RAB35: variants seen among roughly 807,000 people sequenced by gnomAD.
RAB35 encodes RAB35, member RAS oncogene family, also known as ras-related protein Rab-35.
Under a neutral mutation model 28.9 loss-of-function variants are expected in RAB35, and 4 were observed. The ratio of observed to expected loss-of-function variants is 0.14; its 90% CI spans 0.07 to 0.32. The LOEUF (loss-of-function observed/expected upper bound fraction) is 0.32, where lower values mean the gene tolerates loss of function less well. Ranked by LOEUF, RAB35 falls within the 10% of genes least tolerant of loss-of-function variation. The probability of loss-of-function intolerance (pLI) is 1.00; values close to 1 mark genes in which losing one functional copy is unlikely to be tolerated. For synonymous variants in RAB35, 99 were observed against 105.1 expected, an observed-to-expected ratio of 0.94 and a Z score of 0.35; for missense variants, 128 against 274.0, an observed-to-expected ratio of 0.47 and a Z score of 3.76.
intron 2 of RAB35, among the ~76,000 whole-genome samples, chr12:120,104,443 T>C (rs1387210485): frequency 6.6e-6 from 1 of 152,038 alleles, no homozygotes; most frequent in Non-Finnish European, 1.5e-5. Flanking sequence ...AAAACAGCCG[T>C]GAGTGGGGGC....
rs565933237 is a variant in RAB35, at chr12:120,103,103, C to T, written c.227+723G>A. Among the ~76,000 whole-genome samples, 1 of 152,182 alleles carries T rather than the reference C, an allele frequency of 6.6e-6. No homozygotes were observed. Among genetic ancestry groups the T allele is most frequent in the South Asian group, 2.1e-4 (1 of 4,830 alleles). On this transcript the variant is annotated intron_variant, in intron 3 of 5. Transcript: ENST00000229340. The surrounding 1 kb of genome is among the most constrained non-coding windows in gnomAD (Gnocchi z 6.1). ...TCCAGGAAACGAGCGCAGAGAGCTT[C>T]GGCAACTTGCCTAAGGACACACAGC...
Position 120,096,339 on chromosome 12 carries a change from G to A in RAB35, c.*906C>T. On this transcript the variant is annotated 3_prime_UTR_variant, in exon 6 of 6. Transcript: ENST00000229340. ...GGGTGGCCTCAACTTTTGCTGCTGTGCCAATCAAACCTCAGGGAAAGAAAA... is the reference window on the plus strand; with the variant it reads ...GGGTGGCCTCAACTTTTGCTGCTGTACCAATCAAACCTCAGGGAAAGAAAA... 4.6e-6 allele frequency: 5 copies of A among 1,090,550 alleles called. 1 individual carries two copies. The South Asian group carries it at 6.2e-5, about 13-fold the overall frequency. The allele number at this position is 1,090,550 out of a possible 1,614,324, so 67.6% of individuals were successfully genotyped here. A position where few individuals can be genotyped will look rare whatever the true frequency, so the allele number is the denominator to read the frequency against.
chr12:120,113,943 A>G (rs1876228157), intron 1 of RAB35, among the ~76,000 whole-genome samples: 1 of 152,230 alleles, frequency 6.6e-6, no homozygotes, highest in Non-Finnish European at 1.5e-5. Flanking sequence ...TAGATTTATG[A>G]AGAAAGAAAC....
chr12:120,109,693 G>A (rs1269500688), intron 1 of RAB35, among the ~76,000 whole-genome samples: 2 of 143,120 alleles, frequency 1.4e-5, no homozygotes, highest in Admixed American at 7.2e-5. Flanking sequence ...TTGTAGAGAC[G>A]AGGTCTTGCT....
At position 120,098,911 on chromosome 12, in the gene RAB35, T is replaced by C; in HGVS notation, c.377A>G (p.Glu126Gly). The part of the protein sequence containing the change: ...ILVGNKNDDP[E>G]RKVVETEDAY... ...ATCTTCCGTCTCCACCACCTTCCGC[T>C]CAGGGTCGTCATTCTTATTACCCAC... The change falls in exon 5 of 6, where the codon GAG becomes GGG. Residue 126 changes from glutamate to glycine, a missense_variant. By Grantham distance (98) the Glu-to-Gly change is moderately conservative. Transcript: ENST00000229340. 1.2e-6 allele frequency: 2 copies of C among 1,614,224 alleles called. No individual in the cohort carries two copies. Among genetic ancestry groups the C allele is most frequent in the South Asian group, 2.2e-5 (2 of 91,090 alleles).
chr12:120,106,581 CTTTCTT>C (rs1875881227), intron 2 of RAB35, among the ~76,000 whole-genome samples: 1 of 140,880 alleles, frequency 7.1e-6, no homozygotes. Flanking sequence ...TATGGAATCA[CTTTCTT>C]TTTCTTTTTT....
chr12:120,111,603 C>T (rs1594246014), intron 1 of RAB35, among the ~76,000 whole-genome samples: 1 of 152,016 alleles, frequency 6.6e-6, no homozygotes, highest in Non-Finnish European at 1.5e-5. Context: ...ATCGCCTGAA[C>T]CCAGGAGGCG....
At chr12:120,098,341 G>C (rs1165209906) in intron 5 of RAB35, among the ~76,000 whole-genome samples, 4 of 152,272 alleles carry the variant, frequency 2.6e-5, no homozygotes, top group Non-Finnish European at 5.9e-5. Context: ...ACAGGCCCAG[G>C]TGGATGGGCC....
At chr12:120,113,191 CTTT>C (rs545607204) in intron 1 of RAB35, among the ~76,000 whole-genome samples, 15,616 of 131,902 alleles carry the variant, frequency 0.12, 1,372 homozygotes, top group African/African-American at 0.25. Flanking sequence ...TGTGCCCGGC[CTTT>C]TTTTTTTTTT....
At chr12:120,108,789 T>A in intron 1 of RAB35, 1 of 505,754 alleles carries the variant, frequency 2.0e-6, no homozygotes, top group South Asian at 1.7e-5. Flanking sequence ...CAAAGCAGAA[T>A]GAAGGTCAAC....
chr12:120,112,869 T>C (rs1031473697), intron 1 of RAB35, among the ~76,000 whole-genome samples: 2 of 151,134 alleles, frequency 1.3e-5, no homozygotes, highest in South Asian at 4.2e-4. Flanking sequence ...GGACTATAGA[T>C]GTGCACCACC....
At chr12:120,108,811 GC>G in intron 1 of RAB35, 1 of 433,914 alleles carries the variant, frequency 2.3e-6, no homozygotes, top group Non-Finnish European at 4.4e-6. Context: ...ACACGAAACG[GC>G]CCCCAAGTGC....
At chr12:120,114,945 C>T (rs1263966176) in intron 1 of RAB35, among the ~76,000 whole-genome samples, 1 of 152,188 alleles carries the variant, frequency 6.6e-6, no homozygotes, top group Non-Finnish European at 1.5e-5. Context: ...CAGTGCCAGT[C>T]CCTCAGAACC....
Position 120,099,102 on chromosome 12 carries a change from C to T in RAB35, c.280G>A (p.Glu94Lys), listed in dbSNP as rs2139048639. The part of the protein sequence containing the change: ...VIVVYDVTSA[E>K]SFVNVKRWLH... Reference sequence around the variant, plus strand: ...CACCGCTTGACGTTGACAAAGGACTCGGCACTGGTGACGTCGTAAACCACA... The same window carrying T: ...CACCGCTTGACGTTGACAAAGGACTTGGCACTGGTGACGTCGTAAACCACA... Residue 94 changes from glutamate to lysine, a missense_variant, in exon 4 of 6, where the codon GAG becomes AAG. By Grantham distance (56) the Glu-to-Lys change is moderately conservative. Transcript: ENST00000229340. 1 of 1,614,272 alleles carries T rather than the reference C, an allele frequency of 6.2e-7. No individual in the cohort carries two copies. Among genetic ancestry groups the T allele is most frequent in the Non-Finnish European group, 8.5e-7 (1 of 1,180,044 alleles).
intron 2 of RAB35, 76 bp from the exon 3 acceptor site, chr12:120,104,025 A>T: frequency 6.4e-7 from 1 of 1,553,772 alleles, no homozygotes; most frequent in African/African-American, 1.4e-5. Context: ...CACACAACAC[A>T]CCCCCAGGCT....
intron 2 of RAB35, among the ~76,000 whole-genome samples, chr12:120,106,871 G>A (rs1022110766): frequency 6.6e-6 from 1 of 151,816 alleles, no homozygotes; most frequent in Non-Finnish European, 1.5e-5. Context: ...ACAGGCGTGA[G>A]CCACCGCGCC....
chr12:120,111,145 T>C lies in RAB35; in HGVS notation c.53-2678A>G, dbSNP rs1397896228. 2.0e-5 allele frequency among the ~76,000 whole-genome samples: 3 copies of C among 152,342 alleles called. No individual in the cohort carries two copies. In the East Asian group the frequency reaches 5.8e-4, roughly 29 times the overall value. On this transcript the variant is annotated intron_variant, in intron 1 of 5. Coordinates refer to ENST00000229340, the MANE Select transcript of RAB35 (RefSeq NM_006861.7). ...AACCAAACACTGCTTAATGAATTTCTGCCTAAACGAACGCCCGCCACACTG... is the reference window on the plus strand; with the variant it reads ...AACCAAACACTGCTTAATGAATTTCCGCCTAAACGAACGCCCGCCACACTG...
In RAB35 at chr12:120,101,812, C is replaced by T. The variant is rs567101925; in HGVS notation, c.227+2014G>A. Among the ~76,000 whole-genome samples the T allele has an allele frequency of 1.4e-4, 22 of 152,352 alleles. 1 individual carries two copies. The highest frequency in any genetic ancestry group is 1.4e-3 in the Admixed American group (22 of 15,306). ...AGCCCCTGGGGAAAAACCCATGTTG[C>T]TCCCAGGAAGCTGAGTGACTCCTCC... On this transcript the variant is annotated intron_variant, in intron 3 of 5. Coordinates refer to ENST00000229340, the MANE Select transcript of RAB35 (RefSeq NM_006861.7).
chr12:120,108,765 G>A, intron 1 of RAB35: 1 of 562,172 alleles, frequency 1.8e-6, no homozygotes, highest in Admixed American at 2.5e-5. Context: ...GGCCCAAAGG[G>A]AGATGCCAGA....
Sources: gnomAD v4.1 joint callset for allele counts (sites outside exome capture counted in the v4.1 genomes callset) on GRCh38, gnomAD v4.1.1 for gene constraint, Gnocchi (gnomAD v3.1) non-coding constraint, MANE v1.5 for transcripts, NCBI Gene and HGNC (gene_info 2026-07-23, HGNC 2026-07-21) for gene names.